PRKG1: variants seen among roughly 807,000 people sequenced by gnomAD.
The protein encoded by PRKG1 is cGMP-dependent protein kinase 1.
A neutral mutation model predicts 88.1 loss-of-function variants in PRKG1; 35 were observed. The observed-to-expected ratio is 0.40, with a 90% CI of 0.30 to 0.53. The LOEUF is 0.53. Ranked by LOEUF, PRKG1 falls within the 20% of genes least tolerant of loss-of-function variation. PRKG1 has a pLI of 0.59. For missense variants in PRKG1, 540 were observed against 839.8 expected, an observed-to-expected ratio of 0.64 and a Z score of 4.41; for synonymous variants, 303 against 292.5, an observed-to-expected ratio of 1.04 and a Z score of -0.37.
intron 9 of PRKG1, among the ~76,000 whole-genome samples, chr10:52,248,988 C>A (rs1469084110): frequency 1.3e-5 from 1 of 74,322 alleles, no homozygotes; most frequent in Non-Finnish European, 2.7e-5. Flanking sequence ...CCCTTCCCCA[C>A]GCTTCCCCCT....
intron 9 of PRKG1, among the ~76,000 whole-genome samples, chr10:52,203,065 T>C (rs1489128015): frequency 6.6e-6 from 1 of 152,160 alleles, no homozygotes; most frequent in Non-Finnish European, 1.5e-5. Context: ...AGCTTTGGGG[T>C]TGCTTTGCTC....
At chr10:51,393,043 G>A (rs1324770631) in intron 2 of PRKG1, among the ~76,000 whole-genome samples, 44 of 136,952 alleles carry the variant, frequency 3.2e-4, no homozygotes, top group African/African-American at 9.1e-4. Flanking sequence ...CCGGGCGGAG[G>A]GGCTCCTCAC....
intron 9 of PRKG1, among the ~76,000 whole-genome samples, chr10:52,198,646 C>G (rs1839574197): frequency 6.6e-6 from 1 of 152,064 alleles, no homozygotes; most frequent in Non-Finnish European, 1.5e-5. Flanking sequence ...TTCCTACATT[C>G]CTGTCACAGG....
At chr10:51,705,531 C>T (rs1327663957) in intron 3 of PRKG1, among the ~76,000 whole-genome samples, 1 of 152,070 alleles carries the variant, frequency 6.6e-6, no homozygotes, top group Non-Finnish European at 1.5e-5. Context: ...TGATTTTTAA[C>T]AATGAAGAAA....
In PRKG1 at chr10:51,480,253, A is replaced by T. The variant is rs546459055; in HGVS notation, c.592+12417A>T. Among the ~76,000 whole-genome samples the T allele has an allele frequency of 2.6e-5, 4 of 152,294 alleles. No individual in the cohort carries two copies. The East Asian group carries it at 7.7e-4, about 29-fold the overall frequency. Reference sequence around the variant, plus strand: ...CCCAGGAAAGTTTTCAAATTTTAAGATACATTTCGTAAACTGACACTCACA... The same window carrying T: ...CCCAGGAAAGTTTTCAAATTTTAAGTTACATTTCGTAAACTGACACTCACA... On this transcript the variant is annotated intron_variant, in intron 3 of 17. Coordinates refer to ENST00000373980, the MANE Select transcript of PRKG1 (RefSeq NM_006258.4).
At chr10:51,831,742 T>G (rs962146677) in intron 4 of PRKG1, among the ~76,000 whole-genome samples, 2 of 152,150 alleles carry the variant, frequency 1.3e-5, no homozygotes, top group Admixed American at 6.6e-5. Context: ...TGAGGGCCCA[T>G]CCTCGGCCCT....
rs116467124 is a variant in PRKG1, at chr10:51,411,819, T to C, written c.479-55904T>C. On this transcript the variant is annotated intron_variant, in intron 2 of 17. Transcript: ENST00000373980. Reference sequence around the variant, plus strand: ...TGGCAATGCGTCAGTACAAAGTTGCTATTGGGGATCATTGTGCTTCTGAAT... The same window carrying C: ...TGGCAATGCGTCAGTACAAAGTTGCCATTGGGGATCATTGTGCTTCTGAAT... 2.3e-3 allele frequency among the ~76,000 whole-genome samples: 352 copies of C among 152,350 alleles called. 2 individuals carry two copies. The highest frequency in any genetic ancestry group is 8.0e-3 in the African/African-American group (334 of 41,596).
At chr10:52,248,180 C>G (rs919568752) in intron 9 of PRKG1, among the ~76,000 whole-genome samples, 1 of 152,190 alleles carries the variant, frequency 6.6e-6, no homozygotes, top group African/African-American at 2.4e-5. Context: ...TTCCTGTAAA[C>G]CCACAACCTT....
chr10:51,198,609 T>C (rs1317128403), intron 2 of PRKG1, among the ~76,000 whole-genome samples: 2 of 152,196 alleles, frequency 1.3e-5, no homozygotes, highest in East Asian at 3.8e-4. Context: ...ATTAAAGCAT[T>C]CATGGAGGAA....
chr10:51,165,087 AC>A (rs1451593723), intron 2 of PRKG1, among the ~76,000 whole-genome samples: 1 of 152,172 alleles, frequency 6.6e-6, no homozygotes, highest in Non-Finnish European at 1.5e-5. Context: ...ACTCCAAGAC[AC>A]ATAATTGTCA....
rs539050469 is a variant in PRKG1 at position 51,721,547 on chromosome 10, C to T, written c.593-83038C>T. Among the ~76,000 whole-genome samples the T allele has an allele frequency of 4.6e-5, 7 of 152,224 alleles. No homozygotes were observed. In the South Asian group the frequency reaches 6.2e-4, roughly 14 times the overall value. ...ATCCACGTTATTCACCACAGTAAAC[C>T]GAACAGCTATCCTTGGATCTATTAC... On this transcript the variant is annotated intron_variant, in intron 3 of 17. Coordinates refer to ENST00000373980, the MANE Select transcript of PRKG1 (RefSeq NM_006258.4).
chr10:52,031,550 T>C (rs1845474644), intron 5 of PRKG1, among the ~76,000 whole-genome samples: 1 of 152,176 alleles, frequency 6.6e-6, no homozygotes, highest in Non-Finnish European at 1.5e-5. Flanking sequence ...TACAAAACAA[T>C]GCATTACACT....
intron 5 of PRKG1, among the ~76,000 whole-genome samples, chr10:52,049,999 T>C (rs1275382375): frequency 6.6e-6 from 1 of 152,080 alleles, no homozygotes; most frequent in African/African-American, 2.4e-5. Flanking sequence ...TGTAAGTTCA[T>C]ACAATGGAGA....
chr10:52,069,884 G>T (rs938797683), intron 7 of PRKG1, among the ~76,000 whole-genome samples: 7 of 150,722 alleles, frequency 4.6e-5, no homozygotes, highest in Non-Finnish European at 7.4e-5. Context: ...TCCTTCTATT[G>T]TCATAGGCAT....
chr10:51,854,951 G>A (rs886998658), intron 4 of PRKG1, among the ~76,000 whole-genome samples: 6 of 152,232 alleles, frequency 3.9e-5, no homozygotes, highest in African/African-American at 1.4e-4. Flanking sequence ...GGGAAGGGTG[G>A]AGGAAAATAG....
chr10:51,182,442 C>G (rs921527417), intron 2 of PRKG1, among the ~76,000 whole-genome samples: 3 of 152,218 alleles, frequency 2.0e-5, no homozygotes, highest in African/African-American at 7.2e-5. Context: ...ACTGTAGCCA[C>G]TTCCCTTTAG....
At chr10:51,426,240 G>A (rs939456844) in intron 2 of PRKG1, among the ~76,000 whole-genome samples, 27 of 152,000 alleles carry the variant, frequency 1.8e-4, no homozygotes, top group Admixed American at 1.2e-3. Flanking sequence ...GAGATCATGC[G>A]ACTGTACTCC....
chr10:51,569,884 C>T (rs1161363410), intron 3 of PRKG1, among the ~76,000 whole-genome samples: 1 of 151,694 alleles, frequency 6.6e-6, no homozygotes, highest in Non-Finnish European at 1.5e-5. Flanking sequence ...CCGGTTTTAC[C>T]AGCTAGTATG....
chr10:52,282,056 T>C (rs1049829009), intron 13 of PRKG1, 97 bp from the exon 14 acceptor site: 1 of 1,208,854 alleles, frequency 8.3e-7, no homozygotes, highest in African/African-American at 1.5e-5. Flanking sequence ...ATACATGTTT[T>C]TAAATTATTA....
Sources: gnomAD v4.1 joint callset for allele counts (sites outside exome capture counted in the v4.1 genomes callset) on GRCh38, gnomAD v4.1.1 for gene constraint, MANE v1.5 for transcripts, NCBI Gene and HGNC (gene_info 2026-07-23, HGNC 2026-07-21) for gene names.